Variants in AMY2B observed in about 807,000 individuals in gnomAD.
The protein encoded by AMY2B is amylase alpha 2B.
A neutral mutation model predicts 59.3 loss-of-function variants in AMY2B; 63 were observed. The ratio of observed to expected loss-of-function variants is 1.06; its 90% CI spans 0.87 to 1.31. The LOEUF is 1.31. AMY2B is among the 50% of genes most tolerant of loss of function. The pLI, the probability that AMY2B is intolerant of heterozygous loss-of-function variation, is 0.00. For synonymous variants in AMY2B, 180 were observed against 198.1 expected, an observed-to-expected ratio of 0.91 and a Z score of 0.77; for missense variants, 635 against 626.7, an observed-to-expected ratio of 1.01 and a Z score of -0.14.
chr1:103,574,031 G>C (rs1652246314), intron 4 of AMY2B, 93 bp downstream of exon 4: 1 of 1,594,498 alleles, frequency 6.3e-7, no homozygotes, highest in Non-Finnish European at 8.5e-7. Context: ...ATAGGATAAG[G>C]ACTGAGTCAT....
At position 103,579,395 on chromosome 1, in the gene AMY2B, C is replaced by T. The variant is rs745372648; in HGVS notation, c.1431C>T (p.Cys477=). ...VISGDKINGN[C]TGIKIYVSDD... ...CTGGAGATAAAATTAATGGCAATTG[C>T]ACAGGCATTAAAATCTACGTTTCTG... Residue 477 remains cysteine (C), a synonymous_variant, in exon 10 of 10, where the codon TGC becomes TGT. Transcript: ENST00000684275. 10 of 1,611,778 alleles carry T rather than the reference C, an allele frequency of 6.2e-6. No individual in the cohort carries two copies. In the South Asian group the frequency reaches 7.7e-5, roughly 12 times the overall value.
chr1:103,575,715 C>T, intron 7 of AMY2B, 175 bp downstream of exon 7: 1 of 1,003,420 alleles, frequency 1.0e-6, no homozygotes. Context: ...TATATATTTT[C>T]CATTGACAAA....
In AMY2B at chr1:103,575,363, C is replaced by G. The variant is rs374177865; in HGVS notation, c.1001+18C>G. 6.2e-7 allele frequency: 1 copy of G among 1,612,768 alleles called. No homozygotes were observed. On this transcript the variant is annotated intron_variant, in intron 6 of 9. Transcript: ENST00000684275. ...GATGCTAGGTAGAAAACCAAGTTCT[C>G]TATTTTTTTTAACACATCTTTTAAT...
upstream of AMY2B, chr1:103,570,364 TG>T: frequency 1.3e-6 from 1 of 752,092 alleles, no homozygotes; most frequent in Non-Finnish European, 2.4e-6. Context: ...TGGAATCTTG[TG>T]GCATCCACCC....
chr1:103,573,637 GAATA>G, intron 3 of AMY2B, 67 bp from the exon 4 acceptor site: 1 of 1,595,782 alleles, frequency 6.3e-7, no homozygotes, highest in Non-Finnish European at 8.6e-7. Flanking sequence ...TGGAATAAAT[GAATA>G]ATCAAATGGA....
chr1:103,571,045 T>C, upstream of AMY2B: 1 of 461,812 alleles, frequency 2.2e-6, no homozygotes. Context: ...GACTGAGTGT[T>C]CTGGGATTTG....
upstream of AMY2B, chr1:103,571,384 C>CA (rs1557769067): frequency 1.3e-5 from 15 of 1,177,420 alleles, no homozygotes; most frequent in African/African-American, 7.8e-5. Flanking sequence ...CTGCCAGAAC[C>CA]AAAAAAACAT....
chr1:103,563,531 C>T (rs542293389), intron 1 of AMY2B, among the ~76,000 whole-genome samples: 1 of 152,088 alleles, frequency 6.6e-6, no homozygotes, highest in African/African-American at 2.4e-5. Context: ...TAATGCTTCT[C>T]CTATGGGGTA....
At chr1:103,569,636 G>T, upstream of AMY2B, 1 of 400,786 alleles carries the variant, frequency 2.5e-6, no homozygotes, top group South Asian at 2.0e-5. Context: ...ACAACCCCCA[G>T]CCATGTTTCC....
At chr1:103,577,658 A>G in intron 8 of AMY2B, 50 bp downstream of exon 8, 3 of 1,611,870 alleles carry the variant, frequency 1.9e-6, no homozygotes, top group Non-Finnish European at 2.5e-6. Context: ...TTTCCATTGC[A>G]TTTTATTTAA....
chr1:103,572,852 A>C (rs573947959), intron 2 of AMY2B, among the ~76,000 whole-genome samples: 17 of 152,256 alleles, frequency 1.1e-4, no homozygotes, highest in Non-Finnish European at 1.6e-4. Context: ...ATTTACCATT[A>C]CTATAAATAT....
At chr1:103,570,309 G>A, upstream of AMY2B, 1 of 615,722 alleles carries the variant, frequency 1.6e-6, no homozygotes, top group Non-Finnish European at 3.2e-6. Context: ...TCGGCAATGA[G>A]GTTGCAGTGT....
chr1:103,573,206 T>C lies in AMY2B; in HGVS notation c.459T>C (p.Asp153=), dbSNP rs199958657. 6.3e-5 allele frequency: 102 copies of C among 1,613,596 alleles called. 1 individual carries two copies. The highest frequency in any genetic ancestry group is 1.6e-4 in the Middle Eastern group (1 of 6,076). Residue 153 remains aspartate (D), a synonymous_variant, in exon 3 of 10, where the codon GAT becomes GAC. Coordinates refer to ENST00000684275, the MANE Select transcript of AMY2B (RefSeq NM_001387437.1). ...AVPYSGWDFN[D]GKCKTGSGDI... ...CATATTCTGGATGGGATTTTAATGA[T>C]GGTAAATGTAAAACTGGAAGTGGAG... is the stretch of plus-strand genomic sequence containing the variant.
chr1:103,574,467 T>C, intron 5 of AMY2B, 74 bp downstream of exon 5: 1 of 1,602,218 alleles, frequency 6.2e-7, no homozygotes, highest in Non-Finnish European at 8.5e-7. Context: ...TGAGTTATCT[T>C]CTGGAACATT....
chr1:103,573,973 C>G (rs1437545274), intron 4 of AMY2B, 35 bp downstream of exon 4: 5 of 1,613,186 alleles, frequency 3.1e-6, no homozygotes, highest in Non-Finnish European at 4.2e-6. Flanking sequence ...AAAATATCAT[C>G]TTATTCATTA....
At chr1:103,557,793 A>G (rs1434451344) in intron 1 of AMY2B, among the ~76,000 whole-genome samples, 1 of 152,180 alleles carries the variant, frequency 6.6e-6, no homozygotes, top group Non-Finnish European at 1.5e-5. Context: ...CAAAGCTTAG[A>G]AAAAGGTAAC....
Position 103,579,395 on chromosome 1 carries a change from C to G in AMY2B, c.1431C>G (p.Cys477Trp). The change falls in exon 10 of 10, where the codon TGC becomes TGG. Residue 477 changes from cysteine (C) to tryptophan (W), a missense_variant. By Grantham distance (215) the Cys-to-Trp change is radical. Coordinates refer to ENST00000684275, the MANE Select transcript of AMY2B (RefSeq NM_001387437.1). Reference sequence around the variant, plus strand: ...CTGGAGATAAAATTAATGGCAATTGCACAGGCATTAAAATCTACGTTTCTG... The same window carrying G: ...CTGGAGATAAAATTAATGGCAATTGGACAGGCATTAAAATCTACGTTTCTG... ...VISGDKINGN[C>W]TGIKIYVSDD... 1 of 1,611,778 alleles carries G rather than the reference C, an allele frequency of 6.2e-7. No homozygotes were observed.
chr1:103,573,312 T>C (rs1396260495), intron 3 of AMY2B, 52 bp downstream of exon 3: 1 of 1,611,192 alleles, frequency 6.2e-7, no homozygotes, highest in African/African-American at 1.3e-5. Context: ...ATGCCTTTTC[T>C]TGTAGACATG....
At chr1:103,557,486 T>C (rs930455156) in intron 1 of AMY2B, among the ~76,000 whole-genome samples, 3 of 151,946 alleles carry the variant, frequency 2.0e-5, no homozygotes, top group African/African-American at 4.8e-5. Flanking sequence ...ACCTCGTCTC[T>C]ACTAAAAATA....
Sources: gnomAD v4.1 joint callset for allele counts (sites outside exome capture counted in the v4.1 genomes callset) on GRCh38, gnomAD v4.1.1 for gene constraint, MANE v1.5 for transcripts, NCBI Gene and HGNC (gene_info 2026-07-23, HGNC 2026-07-21) for gene names.